The following ZNF808 variants were observed in gnomAD, a reference collection of about 807,000 sequenced individuals.
ZNF808 encodes the protein zinc finger protein 808.
Under a neutral mutation model 8.7 loss-of-function variants are expected in ZNF808, and 5 were observed. The ratio of observed to expected loss-of-function variants is 0.58; its 90% confidence interval spans 0.30 to 1.21. The LOEUF (loss-of-function observed/expected upper bound fraction) is 1.21, where lower values mean the gene tolerates loss of function less well. Among genes scored for constraint, ZNF808 ranks in the 50% most tolerant of loss-of-function variants. ZNF808 has a pLI of 0.07. For synonymous variants in ZNF808, 380 were observed against 366.0 expected (o/e 1.04, Z -0.44); for missense variants, 1,103 against 1,098.4 (o/e 1.00, Z -0.06).
At chr19:52,567,118 A>G (rs1248392157), downstream of ZNF808, among the ~76,000 whole-genome samples, 2 of 151,956 alleles carry the variant, frequency 1.3e-5, no homozygotes, top group Non-Finnish European at 2.9e-5. Context: ...CCCCCGGCTA[A>G]TCGTTGAATT....
At chr19:52,547,691 T>G in intron 4 of ZNF808, 53 bp downstream of exon 4, 5 of 1,593,386 alleles carry the variant, frequency 3.1e-6, no homozygotes, top group Non-Finnish European at 4.3e-6. Flanking sequence ...CTATCTTGGC[T>G]CTTCCTGGTT....
At position 52,530,074 on chromosome 19, in the gene ZNF808, T is replaced by G. The variant is rs183189783; in HGVS notation, c.-122+2363T>G. On this transcript the variant is annotated intron_variant, in intron 1 of 4. Coordinates refer to ENST00000359798, the MANE Select transcript of ZNF808 (RefSeq NM_001039886.4). Reference sequence around the variant, plus strand: ...CTGGCCTACATAGCCCCCCCCTTTTTTTTGAGAGGGAGTTTTGTTCTTTTT... The same window carrying G: ...CTGGCCTACATAGCCCCCCCCTTTTGTTTGAGAGGGAGTTTTGTTCTTTTT... Among the ~76,000 whole-genome samples the G allele has an allele frequency of 1.4e-3, 212 of 151,922 alleles. 1 individual carries two copies. Among genetic ancestry groups the G allele is most frequent in the Non-Finnish European group, 2.5e-3 (167 of 67,942 alleles).
chr19:52,567,154 G>A (rs1019920425), downstream of ZNF808, among the ~76,000 whole-genome samples: 2 of 151,844 alleles, frequency 1.3e-5, no homozygotes, highest in South Asian at 2.1e-4. Flanking sequence ...GTTTCATCAC[G>A]TTCGCAAGGC....
downstream of ZNF808, among the ~76,000 whole-genome samples, chr19:52,561,123 C>T (rs567569964): frequency 1.5e-5 from 2 of 137,792 alleles, no homozygotes; most frequent in African/African-American, 5.4e-5. Flanking sequence ...TGTCCCAGCT[C>T]AGCCCTTGTA....
At chr19:52,558,851 T>C (rs979341027), downstream of ZNF808, among the ~76,000 whole-genome samples, 4 of 151,876 alleles carry the variant, frequency 2.6e-5, no homozygotes, top group Admixed American at 2.0e-4. Flanking sequence ...GGCAGAAACA[T>C]GTGCTGTGTC....
chr19:52,564,237 T>A (rs1399957235), exon 4 of ZNF808: 1 of 932,008 alleles, frequency 1.1e-6, no homozygotes, highest in Non-Finnish European at 1.7e-6. Context: ...TATAAGGAAT[T>A]GCACGTGAGA....
At chr19:52,534,515 C>T (rs1003617704) in intron 2 of ZNF808, among the ~76,000 whole-genome samples, 2 of 152,116 alleles carry the variant, frequency 1.3e-5, no homozygotes, top group Non-Finnish European at 2.9e-5. Flanking sequence ...TCTCTATTAT[C>T]GTCGTGGAGA....
At chr19:52,557,704 A>G (rs2059842872), downstream of ZNF808, among the ~76,000 whole-genome samples, 1 of 152,224 alleles carries the variant, frequency 6.6e-6, no homozygotes, top group Non-Finnish European at 1.5e-5. Context: ...TCTTGTAAGG[A>G]AGAATTAACT....
intron 1 of ZNF808, among the ~76,000 whole-genome samples, chr19:52,528,822 G>A (rs2059534753): frequency 6.6e-6 from 1 of 152,020 alleles, no homozygotes; most frequent in Non-Finnish European, 1.5e-5. Flanking sequence ...AGAGATGGGT[G>A]AAGAGGCAGA....
intron 1 of ZNF808, among the ~76,000 whole-genome samples, chr19:52,528,834 A>G (rs2059534860): frequency 6.6e-6 from 1 of 152,068 alleles, no homozygotes; most frequent in Non-Finnish European, 1.5e-5. Flanking sequence ...AGAGGCAGAA[A>G]TAGATGGAGA....
rs763744076 is a variant in ZNF808 at position 52,554,665 on chromosome 19, A to G, written c.1749A>G (p.Ser583=). Residue 583 remains serine, a synonymous_variant, in exon 5 of 5, where the codon TCA becomes TCG. Transcript: ENST00000359798. ...CTTTTAATCAACAATCACATCTTTC[A>G]CGTCATCGTAGACTTCATACTGGAG... ...GKAFNQQSHL[S]RHRRLHTGEK... is the part of the protein sequence containing the mutation. 2.5e-6 allele frequency: 4 copies of G among 1,614,050 alleles called. No homozygotes were observed. The highest frequency in any genetic ancestry group is 3.4e-6 in the Non-Finnish European group (4 of 1,179,998).
chr19:52,534,900 G>A (rs1381970210), intron 2 of ZNF808, among the ~76,000 whole-genome samples: 2 of 151,770 alleles, frequency 1.3e-5, no homozygotes, highest in African/African-American at 2.4e-5. Flanking sequence ...AAAATAAAAG[G>A]AAAGAAAAAA....
chr19:52,559,904 A>G (rs1307558450), downstream of ZNF808, among the ~76,000 whole-genome samples: 1 of 152,072 alleles, frequency 6.6e-6, no homozygotes, highest in African/African-American at 2.4e-5. Flanking sequence ...GCATGATGTG[A>G]TGTGTGTGCA....
chr19:52,531,684 A>G (rs925961371), intron 1 of ZNF808, among the ~76,000 whole-genome samples: 24 of 152,166 alleles, frequency 1.6e-4, no homozygotes, highest in African/African-American at 5.1e-4. Context: ...TTATTGTGCA[A>G]TTTGTTTTAT....
In ZNF808 at chr19:52,555,499, C is replaced by G; in HGVS notation, c.2583C>G (p.His861Gln). 6.2e-7 allele frequency: 1 copy of G among 1,613,970 alleles called. No individual in the cohort carries two copies. The highest frequency in any genetic ancestry group is 8.5e-7 in the Non-Finnish European group (1 of 1,179,980). ...ACDKVFSRKS[H>Q]LKRHRIIHTG... Reference sequence around the variant, plus strand: ...ACAAAGTTTTCAGTCGCAAATCACACCTTAAAAGACATAGGATAATTCATA... The same window carrying G: ...ACAAAGTTTTCAGTCGCAAATCACAGCTTAAAAGACATAGGATAATTCATA... Residue 861 changes from histidine (H) to glutamine (Q), a missense_variant, in exon 5 of 5, where the codon CAC becomes CAG. Coordinates refer to ENST00000359798, the MANE Select transcript of ZNF808 (RefSeq NM_001039886.4).
chr19:52,556,094 A>G lies in ZNF808; in HGVS notation c.*466A>G, dbSNP rs1326428622. 6 of 420,040 alleles carry G rather than the reference A, an allele frequency of 1.4e-5. No individual in the cohort carries two copies. Among genetic ancestry groups the G allele is most frequent in the Non-Finnish European group, 2.9e-5 (6 of 209,116 alleles). The allele number at this position is 420,040 out of a possible 1,614,324, so 26.0% of individuals were successfully genotyped here. Reference sequence around the variant, plus strand: ...CAAGCATTAATTGACATTGGAGTCAATTCAGCATTGACTTGAGTTTGTGTT... The same window carrying G: ...CAAGCATTAATTGACATTGGAGTCAGTTCAGCATTGACTTGAGTTTGTGTT... On this transcript the variant is annotated 3_prime_UTR_variant, in exon 5 of 5. Coordinates refer to ENST00000359798, the MANE Select transcript of ZNF808 (RefSeq NM_001039886.4).
chr19:52,564,229 T>G (rs960338807), exon 4 of ZNF808: 2 of 925,710 alleles, frequency 2.2e-6, no homozygotes, highest in Non-Finnish European at 3.5e-6. Context: ...GCTGGGTCTA[T>G]AAGGAATTGC....
intron 3 of ZNF808, chr19:52,563,311 A>C (rs1341131319): frequency 6.6e-6 from 1 of 152,182 alleles, no homozygotes; most frequent in Non-Finnish European, 1.5e-5. Context: ...TTATGATTTT[A>C]CATAAGGCTT....
rs376143147 is a variant in ZNF808, at chr19:52,554,365, C to G, written c.1449C>G (p.Tyr483Ter). 2 of 1,613,668 alleles carry G rather than the reference C, an allele frequency of 1.2e-6. No homozygotes were observed. The highest frequency in any genetic ancestry group is 1.1e-5 in the South Asian group (1 of 91,066). ...GAATTCACACTGGAGAGAAAACTTA[C>G]AAGTGTAATGAGTGTCGCAAGACCT... ...HRRIHTGEKT[Y>*]KCNECRKTFS... The change falls in exon 5 of 5, where the codon TAC (tyrosine) becomes TAG (stop). Residue 483 changes from tyrosine (Y) to a stop codon, truncating the protein, a stop_gained. Coordinates refer to ENST00000359798, the MANE Select transcript of ZNF808 (RefSeq NM_001039886.4). LOFTEE classifies it low-confidence loss of function (END_TRUNC).
Sources: allele counts gnomAD v4.1 joint callset (sites outside exome capture counted in the v4.1 genomes callset), GRCh38; gene constraint gnomAD v4.1.1; transcripts MANE v1.5; gene names NCBI Gene and HGNC (gene_info 2026-07-23, HGNC 2026-07-21).